The following FBXL13 variants were observed in gnomAD, a reference collection of about 807,000 sequenced individuals.
FBXL13 encodes F-box and leucine-rich repeat protein 13.
In FBXL13, 67 loss-of-function variants were observed where a neutral mutation model predicts 83.6. The observed-to-expected ratio is 0.80, with a 90% CI of 0.66 to 0.98. FBXL13 has a LOEUF of 0.98. Among genes scored for constraint, FBXL13 ranks in the 50% least tolerant of loss-of-function variants. The probability of loss-of-function intolerance (pLI) is 0.00; values close to 1 mark genes in which losing one functional copy is unlikely to be tolerated. For synonymous variants in FBXL13, 272 were observed against 299.5 expected (o/e 0.91, Z 0.95); for missense variants, 822 against 866.5 (o/e 0.95, Z 0.64).
At chr7:103,016,521 G>C (rs1792344518) in intron 6 of FBXL13, among the ~76,000 whole-genome samples, 1 of 152,118 alleles carries the variant, frequency 6.6e-6, no homozygotes, top group African/African-American at 2.4e-5. Flanking sequence ...CCGAAGCAGG[G>C]CAAGGCATGG....
At chr7:103,027,390 G>T in intron 5 of FBXL13, 59 bp downstream of exon 6, 1 of 1,129,110 alleles carries the variant, frequency 8.9e-7, no homozygotes, top group Non-Finnish European at 1.3e-6. Flanking sequence ...ACTATTTGAG[G>T]CAACATGAAT....
At chr7:102,927,463 T>A (rs1818348849) in intron 9 of FBXL13, among the ~76,000 whole-genome samples, 1 of 152,208 alleles carries the variant, frequency 6.6e-6, no homozygotes, top group South Asian at 2.1e-4. Flanking sequence ...TTCAACAGGA[T>A]CATTGAGGTT....
intron 14 of FBXL13, among the ~76,000 whole-genome samples, chr7:102,879,753 C>T (rs952123108): frequency 1.3e-5 from 2 of 152,164 alleles, no homozygotes; most frequent in African/African-American, 4.8e-5. Flanking sequence ...GTCGCCCAGG[C>T]TGGAGTGCAG....
At chr7:103,007,637 C>T (rs1016979193) in intron 6 of FBXL13, among the ~76,000 whole-genome samples, 9 of 152,036 alleles carry the variant, frequency 5.9e-5, no homozygotes, top group Admixed American at 3.9e-4. Context: ...AAAAAGAGCA[C>T]AAAAAATGAA....
intron 14 of FBXL13, among the ~76,000 whole-genome samples, chr7:102,881,282 C>T (rs1281647782): frequency 6.6e-6 from 1 of 151,504 alleles, no homozygotes; most frequent in African/African-American, 2.4e-5. Flanking sequence ...CCTATCTCTA[C>T]AAAAATACAA....
chr7:103,030,246 AAC>A (rs1794363215), intron 2 of FBXL13: 1 of 152,212 alleles, frequency 6.6e-6, no homozygotes, highest in African/African-American at 2.4e-5. Flanking sequence ...TTGTTAAATT[AAC>A]AGATATGGCA....
chr7:103,063,040 A>C (rs1036737556), intron 1 of FBXL13, among the ~76,000 whole-genome samples: 14 of 152,242 alleles, frequency 9.2e-5, no homozygotes, highest in Admixed American at 5.2e-4. Context: ...TTACTTGTTT[A>C]ACTTGAATTG....
intron 16 of FBXL13, among the ~76,000 whole-genome samples, chr7:102,870,565 C>T (rs184746969): frequency 1.1e-3 from 160 of 152,166 alleles, no homozygotes; most frequent in Middle Eastern, 3.4e-3. Flanking sequence ...ACATGAAGAA[C>T]GGAAGGAGTC....
chr7:102,865,605 G>A (rs1172211634), intron 16 of FBXL13, among the ~76,000 whole-genome samples: 1 of 151,964 alleles, frequency 6.6e-6, no homozygotes, highest in Admixed American at 6.6e-5. Context: ...GCAATGGCGT[G>A]ATCTCAGTTC....
intron 10 of FBXL13, among the ~76,000 whole-genome samples, chr7:102,922,263 T>C (rs191992158): frequency 1.3e-5 from 2 of 152,002 alleles, no homozygotes; most frequent in African/African-American, 4.8e-5. Flanking sequence ...TATAGAATAG[T>C]TGGTTTAGAA....
Position 103,042,743 on chromosome 7 carries a change from G to T in FBXL13, c.-1+12901C>A, listed in dbSNP as rs190383547. ...GAAAGAGTTCTCTATTTAATAAATT[G>T]TGCTGAAAAAACTGGCTAGCCAAGT... On this transcript the variant is annotated intron_variant, in intron 2 of 19. Coordinates refer to ENST00000313221, the Ensembl canonical transcript of FBXL13. 1.1e-3 allele frequency among the ~76,000 whole-genome samples: 168 copies of T among 152,252 alleles called. 1 individual carries two copies. Among genetic ancestry groups the T allele is most frequent in the African/African-American group, 4.0e-3 (166 of 41,566 alleles).
At chr7:102,813,850 T>C (rs527880723) in intron 19 of FBXL13, among the ~76,000 whole-genome samples, 3 of 152,238 alleles carry the variant, frequency 2.0e-5, no homozygotes, top group African/African-American at 7.2e-5. Context: ...TCCTTGGTAT[T>C]TCTAGTTTCT....
At chr7:102,821,934 CT>C in intron 19 of FBXL13, 105 bp downstream of exon 20, 1 of 1,220,482 alleles carries the variant, frequency 8.2e-7, no homozygotes, top group East Asian at 2.4e-5. Context: ...TGAAATGAAA[CT>C]TCCTAACACT....
chr7:103,001,131 A>AT (rs879418159), intron 6 of FBXL13, among the ~76,000 whole-genome samples: 1,561 of 145,322 alleles, frequency 0.011, 23 homozygotes, highest in African/African-American at 0.036. Context: ...TTTTTTTTTG[A>AT]TTTTTTTTTT....
At chr7:102,862,098 A>G (rs1806942605) in intron 16 of FBXL13, among the ~76,000 whole-genome samples, 1 of 152,016 alleles carries the variant, frequency 6.6e-6, no homozygotes, top group African/African-American at 2.4e-5. Context: ...TAATCCCAGC[A>G]CTTTTGGAGG....
At chr7:103,022,832 A>G (rs1327093645) in intron 6 of FBXL13, among the ~76,000 whole-genome samples, 2 of 152,214 alleles carry the variant, frequency 1.3e-5, no homozygotes, top group African/African-American at 4.8e-5. Flanking sequence ...ATGGGGCCTA[A>G]TTAAACAAAA....
intron 18 of FBXL13, among the ~76,000 whole-genome samples, chr7:102,823,431 AC>A (rs2129445879): frequency 6.6e-6 from 1 of 152,322 alleles, no homozygotes; most frequent in South Asian, 2.1e-4. Context: ...AGTAGGTGAG[AC>A]AGATGTTTGG....
At chr7:103,005,226 T>C (rs11976930) in intron 6 of FBXL13, among the ~76,000 whole-genome samples, 1,678 of 152,162 alleles carry the variant, frequency 0.011, 35 homozygotes, top group African/African-American at 0.039. Flanking sequence ...GCACATTATA[T>C]AGGCAAAATT....
chr7:102,815,626 A>G (rs1379743005), intron 19 of FBXL13, among the ~76,000 whole-genome samples: 1 of 151,302 alleles, frequency 6.6e-6, no homozygotes, highest in Non-Finnish European at 1.5e-5. Flanking sequence ...GTTAGAGGCA[A>G]CAATGATCTT....
Sources: allele counts gnomAD v4.1 joint callset (sites outside exome capture counted in the v4.1 genomes callset), GRCh38; gene constraint gnomAD v4.1.1; transcripts MANE v1.5; gene names NCBI Gene and HGNC (gene_info 2026-07-23, HGNC 2026-07-21).